Variants in MCC observed in about 807,000 individuals in gnomAD.
The protein encoded by MCC is colorectal mutant cancer protein.
Under a neutral mutation model 116.2 loss-of-function variants are expected in MCC, and 90 were observed. That is an observed-to-expected ratio of 0.77 (90% CI 0.65 to 0.92). MCC has a LOEUF of 0.92. Ranked by LOEUF, MCC falls within the 40% of genes least tolerant of loss-of-function variation. The probability of loss-of-function intolerance (pLI) is 0.00; values close to 1 mark genes in which losing one functional copy is unlikely to be tolerated. For missense variants in MCC, 1,516 were observed against 1,312.2 expected (o/e 1.16, Z -2.40); for synonymous variants, 578 against 510.5 (o/e 1.13, Z -1.78).
At chr5:113,132,677 G>A (rs1464689199) in intron 5 of MCC, among the ~76,000 whole-genome samples, 1 of 152,102 alleles carries the variant, frequency 6.6e-6, no homozygotes, top group African/African-American at 2.4e-5. Flanking sequence ...CAAGGGCCTA[G>A]CCCTTAGTGG....
At chr5:113,382,727 T>G (rs1458079620) in intron 2 of MCC, among the ~76,000 whole-genome samples, 2 of 152,156 alleles carry the variant, frequency 1.3e-5, no homozygotes, top group African/African-American at 4.8e-5. Flanking sequence ...ATATATTAGC[T>G]CCTTTATTCC....
Position 113,068,891 on chromosome 5 carries a change from T to C in MCC, c.1926-708A>G, listed in dbSNP as rs535226954. 7.2e-5 allele frequency among the ~76,000 whole-genome samples: 11 copies of C among 152,288 alleles called. No individual in the cohort carries two copies. In the East Asian group the frequency reaches 2.1e-3, roughly 29 times the overall value. On this transcript the variant is annotated intron_variant, in intron 12 of 18. Coordinates refer to ENST00000408903, the MANE Select transcript of MCC (RefSeq NM_001085377.2). ...CAAGAGACCCTGAACCAGAACCACC[T>C]ACTAAGCCACCCCCAGGTTCCTGAT...
intron 1 of MCC, among the ~76,000 whole-genome samples, chr5:113,438,436 G>A (rs1770929992): frequency 6.6e-6 from 1 of 152,098 alleles, no homozygotes; most frequent in Admixed American, 6.5e-5. Context: ...TAAAATAGAT[G>A]AAGTTATCTA....
At chr5:113,070,442 A>T (rs1449348937) in intron 12 of MCC, among the ~76,000 whole-genome samples, 1 of 152,234 alleles carries the variant, frequency 6.6e-6, no homozygotes, top group Admixed American at 6.5e-5. Context: ...CTCACCAATG[A>T]GTGAACTGTA....
At position 113,068,181 on chromosome 5, in the gene MCC, T is replaced by C; in HGVS notation, c.1928A>G (p.Glu643Gly). The C allele has an allele frequency of 6.2e-7, 1 of 1,613,204 alleles. No homozygotes were observed. The change falls in exon 13 of 19, where the codon GAG (glutamate) becomes GGG (glycine). Residue 643 changes from glutamate (E) to glycine (G), a missense_variant and splice_region_variant. By Grantham distance (98) the Glu-to-Gly change is moderately conservative. Transcript: ENST00000408903. Reference protein sequence around the residue: ...TALRLALQYSEQCIEAYELLL... With the variant: ...TALRLALQYSGQCIEAYELLL... ...GAGTTCGTAGGCTTCGATGCACTGCTCGCTGAAACAAAGCACATGGGGCCT... is the reference window on the plus strand; with the variant it reads ...GAGTTCGTAGGCTTCGATGCACTGCCCGCTGAAACAAAGCACATGGGGCCT...
At chr5:113,354,347 C>T (rs759484578) in intron 2 of MCC, among the ~76,000 whole-genome samples, 3 of 152,122 alleles carry the variant, frequency 2.0e-5, no homozygotes, top group Non-Finnish European at 4.4e-5. Flanking sequence ...AAACTGGAAA[C>T]ATCTGGTGAA....
intron 3 of MCC, among the ~76,000 whole-genome samples, chr5:113,260,441 T>C (rs977373361): frequency 6.6e-6 from 1 of 152,156 alleles, no homozygotes; most frequent in African/African-American, 2.4e-5. Context: ...GTGTTTAGGT[T>C]GAAGTACATA....
chr5:113,327,561 A>AATATATATATATATATATATATATAT (rs869214073), intron 3 of MCC, among the ~76,000 whole-genome samples: 7 of 80,544 alleles, frequency 8.7e-5, no homozygotes, highest in Non-Finnish European at 1.2e-4. Flanking sequence ...AAAAAAAAAA[A>AATATATATATATATATATATATATAT]ATATATATAT....
At chr5:113,139,804 C>T (rs951137115) in intron 5 of MCC, among the ~76,000 whole-genome samples, 1 of 152,134 alleles carries the variant, frequency 6.6e-6, no homozygotes, top group African/African-American at 2.4e-5. Flanking sequence ...CACATGCAAC[C>T]TTCACCTCCC....
intron 8 of MCC, among the ~76,000 whole-genome samples, chr5:113,095,009 G>A (rs952006437): frequency 1.3e-5 from 2 of 152,188 alleles, no homozygotes; most frequent in African/African-American, 4.8e-5. Context: ...TCTACAGAGA[G>A]GAGGGGAACA....
chr5:113,203,104 T>C lies in MCC; in HGVS notation c.628-51682A>G, dbSNP rs1412775831. 3 of 152,214 alleles carry C rather than the reference T, an allele frequency of 2.0e-5. No individual in the cohort carries two copies. In the East Asian group the frequency reaches 5.8e-4, roughly 29 times the overall value. 9.4% of individuals were successfully genotyped at this position (152,214 alleles called of 1,614,324 possible). A position where few individuals can be genotyped will look rare whatever the true frequency, so the allele number is the denominator to read the frequency against. Reference sequence around the variant, plus strand: ...AATACTCAGGACCAGGGGCTGGACTTGGGGAATACAAGGGTTCCTGCATTT... The same window carrying C: ...AATACTCAGGACCAGGGGCTGGACTCGGGGAATACAAGGGTTCCTGCATTT... On this transcript the variant is annotated intron_variant, in intron 3 of 18. Transcript: ENST00000408903.
intron 3 of MCC, among the ~76,000 whole-genome samples, chr5:113,296,641 G>T (rs899532958): frequency 6.6e-6 from 1 of 152,148 alleles, no homozygotes; most frequent in African/African-American, 2.4e-5. Context: ...AGAAAGGGGG[G>T]TTGGTGTCAG....
At chr5:113,317,126 C>T (rs553148781) in intron 3 of MCC, among the ~76,000 whole-genome samples, 1 of 152,098 alleles carries the variant, frequency 6.6e-6, no homozygotes, top group African/African-American at 2.4e-5. Context: ...AAGCGGGATA[C>T]CAGGTTTTGA....
intron 3 of MCC, among the ~76,000 whole-genome samples, chr5:113,172,011 T>C (rs779892331): frequency 2.0e-4 from 30 of 152,202 alleles, no homozygotes; most frequent in Non-Finnish European, 3.7e-4. Flanking sequence ...CTTCAGGTAC[T>C]ATGGGAGCAC....
intron 2 of MCC, among the ~76,000 whole-genome samples, chr5:113,369,737 C>A (rs763930765): frequency 6.6e-6 from 1 of 152,286 alleles, no homozygotes; most frequent in Middle Eastern, 3.4e-3. Flanking sequence ...AAACGCTGAT[C>A]TATGTCATAC....
intron 1 of MCC, among the ~76,000 whole-genome samples, chr5:113,468,224 T>A (rs967623654): frequency 1.3e-5 from 2 of 152,182 alleles, no homozygotes; most frequent in Non-Finnish European, 2.9e-5. Context: ...CTATGTTGAA[T>A]AGGAGTGGTG....
chr5:113,047,803 G>GATAC (rs1364901545), intron 16 of MCC, among the ~76,000 whole-genome samples: 1 of 148,598 alleles, frequency 6.7e-6, no homozygotes, highest in East Asian at 2.0e-4. Flanking sequence ...AAAATTCTGA[G>GATAC]ATACAGGATA....
At position 113,223,590 on chromosome 5, in the gene MCC, G is replaced by T. The variant is rs79919296; in HGVS notation, c.628-72168C>A. On this transcript the variant is annotated intron_variant, in intron 3 of 18. Coordinates refer to ENST00000408903, the MANE Select transcript of MCC (RefSeq NM_001085377.2). The stretch of plus-strand genomic sequence containing the variant: ...GGCAGTGGAAGTAGGGACTGGAAAG[G>T]AAGAGAGGCTACTTGAGAATTTTTT... Among the ~76,000 whole-genome samples, 823 of 152,308 alleles carry T rather than the reference G, an allele frequency of 5.4e-3. 8 individuals carry two copies. The highest frequency in any genetic ancestry group is 0.019 in the African/African-American group (797 of 41,562).
intron 14 of MCC, among the ~76,000 whole-genome samples, chr5:113,061,091 C>T (rs1017275179): frequency 5.9e-5 from 9 of 152,242 alleles, no homozygotes; most frequent in Non-Finnish European, 1.2e-4. Context: ...AGCTAGGCAT[C>T]TCTTGAGCTC....
Sources: allele counts gnomAD v4.1 joint callset (sites outside exome capture counted in the v4.1 genomes callset), GRCh38; gene constraint gnomAD v4.1.1; transcripts MANE v1.5; gene names NCBI Gene and HGNC (gene_info 2026-07-23, HGNC 2026-07-21).